FMN2: variants seen among roughly 807,000 people sequenced by gnomAD.
FMN2 encodes formin 2.
Under a neutral mutation model 142.3 loss-of-function variants are expected in FMN2, and 51 were observed. The ratio of observed to expected loss-of-function variants is 0.36; its 90% CI spans 0.29 to 0.45. FMN2 has a LOEUF of 0.45. Among genes scored for constraint, FMN2 ranks in the 20% least tolerant of loss-of-function variants. The probability of loss-of-function intolerance (pLI) is 1.00; values close to 1 mark genes in which losing one functional copy is unlikely to be tolerated. For missense variants in FMN2, 1,936 were observed against 2,122.8 expected, an observed-to-expected ratio of 0.91 and a Z score of 1.73; for synonymous variants, 882 against 869.8, an observed-to-expected ratio of 1.01 and a Z score of -0.25.
At chr1:240,152,468 G>C (rs922497127) in intron 2 of FMN2, among the ~76,000 whole-genome samples, 1 of 152,152 alleles carries the variant, frequency 6.6e-6, no homozygotes, top group African/African-American at 2.4e-5. Context: ...GTGTGTATGT[G>C]GGGGTGGGTT....
chr1:240,219,695 C>T (rs2103419991), intron 6 of FMN2, among the ~76,000 whole-genome samples: 1 of 151,846 alleles, frequency 6.6e-6, no homozygotes, highest in South Asian at 2.1e-4. Context: ...CACTCTGTCT[C>T]CCAGGCTGGA....
chr1:240,405,184 C>G (rs372051446), intron 15 of FMN2, among the ~76,000 whole-genome samples: 4 of 152,084 alleles, frequency 2.6e-5, no homozygotes, highest in African/African-American at 9.7e-5. Context: ...TTCTAATCAC[C>G]GTGCTCTTGA....
At chr1:240,134,061 G>T (rs1662842117) in intron 2 of FMN2, among the ~76,000 whole-genome samples, 1 of 152,204 alleles carries the variant, frequency 6.6e-6, no homozygotes, top group Non-Finnish European at 1.5e-5. Flanking sequence ...TTGTTTTGAA[G>T]ATTAAATGAG....
chr1:240,257,486 G>C (rs1388091977), intron 6 of FMN2, among the ~76,000 whole-genome samples: 2 of 152,140 alleles, frequency 1.3e-5, no homozygotes, highest in Non-Finnish European at 2.9e-5. Flanking sequence ...AACTAATCTA[G>C]CAGATTCTCT....
chr1:240,410,040 C>T (rs1340096273), intron 15 of FMN2, among the ~76,000 whole-genome samples: 1 of 151,752 alleles, frequency 6.6e-6, no homozygotes, highest in Non-Finnish European at 1.5e-5. Flanking sequence ...TGGTAGCTTA[C>T]TTAAGGTATA....
At chr1:240,325,974 T>A (rs528085151) in intron 8 of FMN2, among the ~76,000 whole-genome samples, 6 of 152,294 alleles carry the variant, frequency 3.9e-5, no homozygotes, top group Admixed American at 2.0e-4. Context: ...CAATGTTACA[T>A]ATTGGTGAGT....
At chr1:240,099,168 C>A (rs1440957986) in intron 1 of FMN2, among the ~76,000 whole-genome samples, 2 of 152,006 alleles carry the variant, frequency 1.3e-5, no homozygotes. Context: ...TATTTGCTCT[C>A]CTGACTGGAT....
rs1664455223 is a variant in FMN2, at chr1:240,165,730, A to G, written c.1783-12191A>G. Among the ~76,000 whole-genome samples the G allele has an allele frequency of 3.3e-5, 5 of 152,042 alleles. No individual in the cohort carries two copies. In the South Asian group the frequency reaches 1.0e-3, roughly 32 times the overall value. On this transcript the variant is annotated intron_variant, in intron 2 of 17. Transcript: ENST00000319653. Reference sequence around the variant, plus strand: ...CTTTTGCCGGGGACCTGGGGCACTAATATTCCAAGATCACCTTGAGGTATG... The same window carrying G: ...CTTTTGCCGGGGACCTGGGGCACTAGTATTCCAAGATCACCTTGAGGTATG...
chr1:240,470,522 C>T (rs895810694), intron 16 of FMN2, among the ~76,000 whole-genome samples: 3 of 152,088 alleles, frequency 2.0e-5, no homozygotes, highest in Non-Finnish European at 4.4e-5. Context: ...TAAACTATAA[C>T]ATCAATCTTA....
At chr1:240,408,726 G>A (rs564355800) in intron 15 of FMN2, among the ~76,000 whole-genome samples, 3 of 151,890 alleles carry the variant, frequency 2.0e-5, no homozygotes, top group Admixed American at 6.6e-5. Flanking sequence ...TCTATGAATC[G>A]AGGTGCTGAT....
chr1:240,169,520 G>A (rs1664617589), intron 2 of FMN2, among the ~76,000 whole-genome samples: 1 of 152,212 alleles, frequency 6.6e-6, no homozygotes, highest in Non-Finnish European at 1.5e-5. Flanking sequence ...CTGGAGTACA[G>A]TGGTGCGATC....
intron 1 of FMN2, among the ~76,000 whole-genome samples, chr1:240,110,457 C>T (rs995959142): frequency 2.0e-5 from 3 of 152,182 alleles, no homozygotes; most frequent in African/African-American, 2.4e-5. Context: ...CCCAATAAAA[C>T]CCTAGTGCAA....
intron 16 of FMN2, among the ~76,000 whole-genome samples, chr1:240,460,317 C>T (rs995658662): frequency 5.9e-5 from 9 of 152,202 alleles, no homozygotes; most frequent in Admixed American, 5.2e-4. Context: ...GTAGGCCAAG[C>T]GTGCTGGCTC....
chr1:240,358,065 T>A (rs1672335478), intron 14 of FMN2, among the ~76,000 whole-genome samples: 1 of 152,258 alleles, frequency 6.6e-6, no homozygotes, highest in African/African-American at 2.4e-5. Context: ...AAGTTAAACA[T>A]GATGAGTCTT....
At chr1:240,123,934 T>A (rs1662397911) in intron 2 of FMN2, among the ~76,000 whole-genome samples, 1 of 152,262 alleles carries the variant, frequency 6.6e-6, no homozygotes, top group Non-Finnish European at 1.5e-5. Flanking sequence ...TTGTCCTGTT[T>A]GTGGCTGACT....
chr1:240,146,601 G>A (rs941524562), intron 2 of FMN2, among the ~76,000 whole-genome samples: 1 of 151,976 alleles, frequency 6.6e-6, no homozygotes, highest in African/African-American at 2.4e-5. Context: ...TTACTTGAGA[G>A]GCTGAGATGG....
chr1:240,202,726 A>G (rs528115792), intron 4 of FMN2, among the ~76,000 whole-genome samples: 9 of 152,278 alleles, frequency 5.9e-5, no homozygotes, highest in African/African-American at 1.9e-4. Context: ...AGCCTCGGAA[A>G]GTGCTGGGAT....
intron 9 of FMN2, 28 bp downstream of exon 9, chr1:240,329,195 G>A (rs1671296915): frequency 1.2e-6 from 2 of 1,612,726 alleles, no homozygotes; most frequent in South Asian, 2.2e-5. Flanking sequence ...CCACGTAGAG[G>A]GCGTCCAGGC....
rs923614871 is a variant in FMN2, at chr1:240,151,831, A to G, written c.1783-26090A>G. On this transcript the variant is annotated intron_variant, in intron 2 of 17. Transcript: ENST00000319653. ...GTCCAGACTGGAGTGCAATGCTGCG[A>G]TCATAGCTCACTGCAGCCACAAACT... 6.6e-5 allele frequency among the ~76,000 whole-genome samples: 10 copies of G among 152,080 alleles called. No homozygotes were observed. In the East Asian group the frequency reaches 1.9e-3, roughly 29 times the overall value.
Sources: gnomAD v4.1 joint callset for allele counts (sites outside exome capture counted in the v4.1 genomes callset) on GRCh38, gnomAD v4.1.1 for gene constraint, MANE v1.5 for transcripts, NCBI Gene and HGNC (gene_info 2026-07-23, HGNC 2026-07-21) for gene names.